The following WNT9A variants were observed in gnomAD, a reference collection of about 807,000 sequenced individuals.
WNT9A encodes the protein Wnt family member 9A, also known as protein Wnt-9a.
WNT9A carries 8 observed loss-of-function variants against 31.4 expected under a neutral mutation model. The observed-to-expected ratio is 0.26, with a 90% CI of 0.15 to 0.46. WNT9A has a LOEUF of 0.46. WNT9A is among the 20% of genes least tolerant of loss of function. The pLI, the probability that WNT9A is intolerant of heterozygous loss-of-function variation, is 0.99. For missense variants in WNT9A, 457 were observed against 522.9 expected (o/e 0.87, Z 1.23); for synonymous variants, 236 against 220.1 (o/e 1.07, Z -0.64).
intron 3 of WNT9A, 38 bp downstream of exon 3, chr1:227,924,100 A>G: frequency 1.9e-6 from 1 of 531,238 alleles, no homozygotes; most frequent in Non-Finnish European, 2.7e-6. Flanking sequence ...GCTCTTTCTG[A>G]CCCTCCCTTC....
At chr1:227,927,208 G>A (rs1358874116) in intron 1 of WNT9A, among the ~76,000 whole-genome samples, 1 of 152,162 alleles carries the variant, frequency 6.6e-6, no homozygotes, top group African/African-American at 2.4e-5. Context: ...AAGAGGTGCT[G>A]CAGAGGGGGT....
chr1:227,930,162 G>A (rs1666483905), intron 1 of WNT9A, among the ~76,000 whole-genome samples: 1 of 152,174 alleles, frequency 6.6e-6, no homozygotes, highest in Non-Finnish European at 1.5e-5. Context: ...GAGAGCAGCT[G>A]GGAACGTCGG....
rs201122899 is a variant in WNT9A at position 227,921,551 on chromosome 1, C to T, written c.1065G>A (p.Thr355=). Residue 355 remains threonine (T), a synonymous_variant, in exon 4 of 4, where the codon ACG becomes ACA. Transcript: ENST00000272164. ...TGCAGGTGTAGACCTCCTCACGCTG[C>T]GTGCACTGCCTGCACTCCACATAGC... ...WCCYVECRQC[T]QREEVYTCKG is the part of the protein sequence containing the mutation. 20 of 1,612,574 alleles carry T rather than the reference C, an allele frequency of 1.2e-5. No homozygotes were observed. Among genetic ancestry groups the T allele is most frequent in the African/African-American group, 1.1e-4 (8 of 75,008 alleles).
At chr1:227,940,983 C>T (rs957370003) in intron 1 of WNT9A, among the ~76,000 whole-genome samples, 5 of 152,260 alleles carry the variant, frequency 3.3e-5, no homozygotes, top group African/African-American at 1.2e-4. Flanking sequence ...GAATATGACC[C>T]CTGAAGGAAA....
intron 3 of WNT9A, 97 bp downstream of exon 3, chr1:227,924,041 C>T: frequency 6.9e-7 from 1 of 1,450,906 alleles, no homozygotes; most frequent in Admixed American, 2.1e-5. Context: ...CCTGCCTGCC[C>T]TGCTGCAGCC....
Position 227,921,451 on chromosome 1 carries a change from G to A in WNT9A, c.*67C>T, listed in dbSNP as rs1666311197. The A allele has an allele frequency of 6.4e-7, 1 of 1,557,858 alleles. No individual in the cohort carries two copies. Among genetic ancestry groups the A allele is most frequent in the South Asian group, 1.2e-5 (1 of 81,048 alleles). ...GAGCCCAGGAACTCAGCCTGTGCAG[G>A]TGTAGACCCTTCACACCGTGTGCAA... On this transcript the variant is annotated 3_prime_UTR_variant, in exon 4 of 4. Transcript: ENST00000272164.
In WNT9A at chr1:227,922,011, G is replaced by A. The variant is rs1273275317; in HGVS notation, c.616-11C>T. ...CCCAGCCTTGATCACCTGGCAGAAG[G>A]GTGCGGGAGGGAGGGCAGTGTGAGG... is the stretch of plus-strand genomic sequence containing the variant. On this transcript the variant is annotated splice_polypyrimidine_tract_variant and intron_variant, in intron 3 of 3. Transcript: ENST00000272164. 7 of 1,592,558 alleles carry A rather than the reference G, an allele frequency of 4.4e-6. No individual in the cohort carries two copies. The highest frequency in any genetic ancestry group is 4.0e-5 in the African/African-American group (3 of 74,714).
At position 227,925,789 on chromosome 1, in the gene WNT9A, A is replaced by G. The variant is rs1666412226; in HGVS notation, c.96-270T>C. Among the ~76,000 whole-genome samples the G allele has an allele frequency of 6.6e-6, 1 of 152,084 alleles. No individual in the cohort carries two copies. Among genetic ancestry groups the G allele is most frequent in the Admixed American group, 6.5e-5 (1 of 15,276 alleles). On this transcript the variant is annotated intron_variant, in intron 1 of 3. Transcript: ENST00000272164. The surrounding 1 kb of genome is among the most constrained non-coding windows in gnomAD (Gnocchi z 6.0). ...CGACCCCCACAGTTTCAGGGAGTCT[A>G]GCTGACTCTGGCTGCACTGGACAGA...
intron 1 of WNT9A, among the ~76,000 whole-genome samples, chr1:227,936,059 T>G (rs1252625117): frequency 6.6e-6 from 1 of 152,238 alleles, no homozygotes; most frequent in Non-Finnish European, 1.5e-5. Context: ...TCCTGCATCT[T>G]GTTATGCAGC....
In WNT9A at chr1:227,927,868, C is replaced by T. The variant is rs555198606; in HGVS notation, c.96-2349G>A. On this transcript the variant is annotated intron_variant, in intron 1 of 3. Transcript: ENST00000272164. ...TGCAAAACCCAACTGTGGGTGTGGA[C>T]AGGGGACAGGGGGAGGGGAGAGGGA... Among the ~76,000 whole-genome samples the T allele has an allele frequency of 1.0e-4, 15 of 150,420 alleles. No homozygotes were observed. In the East Asian group the frequency reaches 2.9e-3, roughly 29 times the overall value.
In WNT9A at chr1:227,928,773, A is replaced by G. The variant is rs1413964219; in HGVS notation, c.96-3254T>C. 1.3e-5 allele frequency among the ~76,000 whole-genome samples: 2 copies of G among 152,236 alleles called. No individual in the cohort carries two copies. The highest frequency in any genetic ancestry group is 2.9e-5 in the Non-Finnish European group (2 of 68,028). ...CACGACAGAGCCACAGAAGGGCTGA[A>G]GAAGGGAGGAGTGGTTCCCAACACA... On this transcript the variant is annotated intron_variant, in intron 1 of 3. Coordinates refer to ENST00000272164, the MANE Select transcript of WNT9A (RefSeq NM_003395.4). This position sits in a 1 kb window ranked among gnomAD's most constrained non-coding sequence, Gnocchi z 4.5.
At chr1:227,946,520 C>A (rs1335905102) in intron 1 of WNT9A, among the ~76,000 whole-genome samples, 1 of 152,228 alleles carries the variant, frequency 6.6e-6, no homozygotes, top group Admixed American at 6.5e-5. Context: ...CCAGCCCAGG[C>A]CCAGGGCCGT....
Position 227,921,758 on chromosome 1 carries a change from A to G in WNT9A, c.858T>C (p.Thr286=), listed in dbSNP as rs112609297. 20 of 1,612,444 alleles carry G rather than the reference A, an allele frequency of 1.2e-5. No individual in the cohort carries two copies. The African/African-American group carries it at 1.6e-4, about 13-fold the overall frequency. ...GAGGSDPLPR[T]PELVHLDDSP... is the part of the protein sequence containing the mutation. ...AGTCATCCAGGTGCACCAGCTCTGG[A>G]GTGCGGGGCAGCGGGTCGCTGCCAC... is the stretch of plus-strand genomic sequence containing the variant. Residue 286 remains threonine, a synonymous_variant, in exon 4 of 4, where the codon ACT becomes ACC. Transcript: ENST00000272164.
intron 1 of WNT9A, among the ~76,000 whole-genome samples, chr1:227,947,101 AAGAG>A (rs905099789): frequency 3.9e-4 from 60 of 152,146 alleles, no homozygotes; most frequent in African/African-American, 1.4e-3. Context: ...GAAAGAAAGG[AAGAG>A]AGAGACGCGC....
At position 227,945,134 on chromosome 1, in the gene WNT9A, G is replaced by A. The variant is rs574997884; in HGVS notation, c.95+2659C>T. Among the ~76,000 whole-genome samples the A allele has an allele frequency of 4.6e-3, 695 of 152,324 alleles. 3 individuals are homozygous for A. The highest frequency in any genetic ancestry group is 7.4e-3 in the Non-Finnish European group (502 of 68,012). ...ACCCAGCAAGGGCGAAGCGAGAGGGGCCTCCCAATGGAGGACAAACCATGT... is the reference window on the plus strand; with the variant it reads ...ACCCAGCAAGGGCGAAGCGAGAGGGACCTCCCAATGGAGGACAAACCATGT... On this transcript the variant is annotated intron_variant, in intron 1 of 3. Coordinates refer to ENST00000272164, the MANE Select transcript of WNT9A (RefSeq NM_003395.4).
Position 227,947,780 on chromosome 1 carries a change from C to G in WNT9A, c.95+13G>C. 1 of 1,083,500 alleles carries G rather than the reference C, an allele frequency of 9.2e-7. No homozygotes were observed. The highest frequency in any genetic ancestry group is 1.1e-6 in the Non-Finnish European group (1 of 893,360). 67.1% of individuals were successfully genotyped at this position (1,083,500 alleles called of 1,614,324 possible). ...CCGCCCACCAGTGCGCGCCGGCCGCCGAAGGCACCTACCCGAAGTAGGCGG... is the reference window on the plus strand; with the variant it reads ...CCGCCCACCAGTGCGCGCCGGCCGCGGAAGGCACCTACCCGAAGTAGGCGG... On this transcript the variant is annotated intron_variant, in intron 1 of 3. Coordinates refer to ENST00000272164, the MANE Select transcript of WNT9A (RefSeq NM_003395.4).
At position 227,925,179 on chromosome 1, in the gene WNT9A, T is replaced by C. The variant is rs1201160338; in HGVS notation, c.352+84A>G. On this transcript the variant is annotated intron_variant, in intron 2 of 3. Transcript: ENST00000272164. This position sits in a 1 kb window ranked among gnomAD's most constrained non-coding sequence, Gnocchi z 6.0. ...GCCCGGCGTCCCCAGGAGCGCAGCC[T>C]AAGAGGGGCCTCTTGGGATATGGAC... 6 of 1,430,666 alleles carry C rather than the reference T, an allele frequency of 4.2e-6. No homozygotes were observed. The highest frequency in any genetic ancestry group is 2.7e-6 in the Non-Finnish European group (3 of 1,092,786). The allele number at this position is 1,430,666 out of a possible 1,614,324, so 88.6% of individuals were successfully genotyped here.
At chr1:227,939,843 G>A (rs978379531) in intron 1 of WNT9A, among the ~76,000 whole-genome samples, 3 of 152,180 alleles carry the variant, frequency 2.0e-5, no homozygotes, top group Non-Finnish European at 2.9e-5. Flanking sequence ...CTGAGAAACC[G>A]GGGCTGAGAT....
At chr1:227,923,359 C>T (rs1666358310) in intron 3 of WNT9A, among the ~76,000 whole-genome samples, 1 of 152,244 alleles carries the variant, frequency 6.6e-6, no homozygotes, top group Admixed American at 6.5e-5. Flanking sequence ...CCTGCCCATC[C>T]CTGTTCAGGA....
Sources: allele counts gnomAD v4.1 joint callset (sites outside exome capture counted in the v4.1 genomes callset), GRCh38; gene constraint gnomAD v4.1.1; non-coding constraint Gnocchi (gnomAD v3.1); transcripts MANE v1.5; gene names NCBI Gene and HGNC (gene_info 2026-07-23, HGNC 2026-07-21).